The following PLEKHA6 variants were observed in gnomAD, a reference collection of about 807,000 sequenced individuals.
The protein encoded by PLEKHA6 is pleckstrin homology domain-containing family A member 6.
Under a neutral mutation model 116.7 loss-of-function variants are expected in PLEKHA6, and 60 were observed. The observed-to-expected ratio is 0.51, with a 90% CI of 0.42 to 0.64. PLEKHA6 has a LOEUF of 0.64. Ranked by LOEUF, PLEKHA6 falls within the 30% of genes least tolerant of loss-of-function variation. PLEKHA6 has a pLI of 0.00. For synonymous variants in PLEKHA6, 489 were observed against 556.1 expected, an observed-to-expected ratio of 0.88 and a Z score of 1.70; for missense variants, 1,338 against 1,422.7, an observed-to-expected ratio of 0.94 and a Z score of 0.96.
rs551384106 is a variant in PLEKHA6 at position 204,261,915 on chromosome 1, G to A, written c.382-467C>T. The A allele has an allele frequency of 1.5e-5, 3 of 196,428 alleles. No homozygotes were observed. The South Asian group carries it at 5.3e-4, about 35-fold the overall frequency. 12.2% of individuals were successfully genotyped at this position (196,428 alleles called of 1,614,324 possible). ...TGGAGAGACAGCCAAGCCCCTCTCTGCAGGCATGCAAAGCAGGCACTGGCA... is the reference window on the plus strand; with the variant it reads ...TGGAGAGACAGCCAAGCCCCTCTCTACAGGCATGCAAAGCAGGCACTGGCA... On this transcript the variant is annotated intron_variant, in intron 6 of 22. Coordinates refer to ENST00000272203, the MANE Select transcript of PLEKHA6 (RefSeq NM_014935.5). This position sits in a 1 kb window ranked among gnomAD's most constrained non-coding sequence, Gnocchi z 4.0.
At chr1:204,267,597 C>A in intron 4 of PLEKHA6, 50 bp from the exon 5 acceptor site, 1 of 1,494,766 alleles carries the variant, frequency 6.7e-7, no homozygotes. Context: ...TGGACGTGGA[C>A]GAGGAGATGG....
intron 1 of PLEKHA6, among the ~76,000 whole-genome samples, chr1:204,319,855 C>A (rs116421585): frequency 6.6e-5 from 10 of 151,554 alleles, no homozygotes; most frequent in South Asian, 2.1e-4. Context: ...AGGGACAGGG[C>A]GGGCAGGGAT....
chr1:204,308,428 A>T (rs1024745585), intron 1 of PLEKHA6, among the ~76,000 whole-genome samples: 1 of 152,178 alleles, frequency 6.6e-6, no homozygotes, highest in African/African-American at 2.4e-5. Context: ...TCAATCAATC[A>T]ATCAATGTCA....
intron 1 of PLEKHA6, among the ~76,000 whole-genome samples, chr1:204,319,959 G>T (rs192709730): frequency 1.3e-5 from 2 of 152,100 alleles, no homozygotes; most frequent in African/African-American, 2.4e-5. Flanking sequence ...CACCCTCTGC[G>T]GGTCTAATTC....
chr1:204,348,575 C>G (rs1396382338), intron 1 of PLEKHA6, among the ~76,000 whole-genome samples: 1 of 152,100 alleles, frequency 6.6e-6, no homozygotes, highest in African/African-American at 2.4e-5. Context: ...TTCCTTCATT[C>G]GCTCCTGCTT....
At chr1:204,314,438 TG>T (rs1671775803) in intron 1 of PLEKHA6, among the ~76,000 whole-genome samples, 1 of 152,152 alleles carries the variant, frequency 6.6e-6, no homozygotes, top group Admixed American at 6.5e-5. Flanking sequence ...CAGACGACAA[TG>T]GAGTGACTGG....
intron 1 of PLEKHA6, among the ~76,000 whole-genome samples, chr1:204,351,549 G>GGTGCAGAT (rs1322186293): frequency 6.6e-6 from 1 of 152,206 alleles, no homozygotes; most frequent in Non-Finnish European, 1.5e-5. Context: ...TGTGAAATAT[G>GGTGCAGAT]GTGGTAAAAA....
In PLEKHA6 at chr1:204,292,290, G is replaced by A. The variant is rs114882517; in HGVS notation, c.-94-17481C>T. ...GGTCTTATGAGGTGGGCAGAAAAGT[G>A]TTAGTACCACCCTCATTTTACAAAA... is the stretch of plus-strand genomic sequence containing the variant. On this transcript the variant is annotated intron_variant, in intron 1 of 22. Transcript: ENST00000272203. Among the ~76,000 whole-genome samples the A allele has an allele frequency of 6.9e-3, 1,058 of 152,304 alleles. 10 individuals are homozygous for A. Among genetic ancestry groups the A allele is most frequent in the African/African-American group, 0.024 (1,017 of 41,554 alleles).
chr1:204,247,325 T>G (rs751560412), intron 13 of PLEKHA6, 40 bp downstream of exon 13: 1 of 1,274,840 alleles, frequency 7.8e-7, no homozygotes, highest in South Asian at 1.2e-5. Context: ...TCATCTTTAG[T>G]CACATCCCAA....
intron 1 of PLEKHA6, among the ~76,000 whole-genome samples, chr1:204,287,479 AG>A (rs1669316384): frequency 6.6e-6 from 1 of 152,126 alleles, no homozygotes; most frequent in African/African-American, 2.4e-5. Context: ...TAAATGCAAA[AG>A]GTTGGTTCTC....
At chr1:204,326,874 G>T in intron 1 of PLEKHA6, 2 of 517,140 alleles carry the variant, frequency 3.9e-6, no homozygotes, top group Non-Finnish European at 2.5e-6. Flanking sequence ...CCTTAGACTA[G>T]CTCCCTCCTT....
At position 204,253,976 on chromosome 1, in the gene PLEKHA6, G is replaced by A. The variant is rs60604726; in HGVS notation, c.1525-3362C>T. ...AGCCCCTCTGTGAGGGCAAAAGCCC[G>A]CAGGAAGGGACCCTGCTGTCTGCAC... On this transcript the variant is annotated intron_variant, in intron 9 of 22. Coordinates refer to ENST00000272203, the MANE Select transcript of PLEKHA6 (RefSeq NM_014935.5). Among the ~76,000 whole-genome samples, 774 of 152,308 alleles carry A rather than the reference G, an allele frequency of 5.1e-3. 2 individuals are homozygous for A. Among genetic ancestry groups the A allele is most frequent in the Middle Eastern group, 0.017 (5 of 294 alleles).
At chr1:204,269,643 A>G (rs916255512) in intron 3 of PLEKHA6, among the ~76,000 whole-genome samples, 6 of 151,014 alleles carry the variant, frequency 4.0e-5, no homozygotes, top group African/African-American at 1.5e-4. Flanking sequence ...TTAGACATGC[A>G]CTCCCTCAAT....
chr1:204,245,570 C>G lies in PLEKHA6; in HGVS notation c.2032+45G>C. 1.7e-6 allele frequency: 2 copies of G among 1,172,680 alleles called. 1 individual carries two copies. Among genetic ancestry groups the G allele is most frequent in the South Asian group, 2.5e-5 (2 of 80,448 alleles). The allele number at this position is 1,172,680 out of a possible 1,614,324, so 72.6% of individuals were successfully genotyped here. On this transcript the variant is annotated intron_variant, in intron 14 of 22. Coordinates refer to ENST00000272203, the MANE Select transcript of PLEKHA6 (RefSeq NM_014935.5). ...GGAGGTCAGAAATACTGGAGCACTC[C>G]TGGTGAGGCAGGCAGCCTAGGAGGC... is the stretch of plus-strand genomic sequence containing the variant.
chr1:204,319,839 G>C (rs1671991839), intron 1 of PLEKHA6, among the ~76,000 whole-genome samples: 1 of 152,160 alleles, frequency 6.6e-6, no homozygotes, highest in Non-Finnish European at 1.5e-5. Flanking sequence ...AAGAGAGAAG[G>C]GAGAAAGGGA....
chr1:204,366,395 G>A (rs924749105), intron 3 of PLEKHA6, among the ~76,000 whole-genome samples: 15 of 151,932 alleles, frequency 9.9e-5, no homozygotes, highest in African/African-American at 3.6e-4. Flanking sequence ...AGGAGGAGGA[G>A]AAGGAGGAGG....
chr1:204,223,499 C>A lies in PLEKHA6; in HGVS notation c.3118G>T (p.Ala1040Ser). ...NPLSSESPRGADSSYTMRV is the reference protein window; with the variant it reads ...NPLSSESPRGSDSSYTMRV ...ACCCGCATGGTATAGCTGCTGTCGG[C>A]GCCCCGTGGGGATTCAGACGACAGG... is the stretch of plus-strand genomic sequence containing the variant. The change falls in exon 22 of 23, where the codon GCC becomes TCC. Residue 1040 changes from alanine (A) to serine (S), a missense_variant. By Grantham distance (99) the Ala-to-Ser change is moderately conservative. Coordinates refer to ENST00000272203, the MANE Select transcript of PLEKHA6 (RefSeq NM_014935.5). This position sits in a 1 kb window ranked among gnomAD's most constrained non-coding sequence, Gnocchi z 4.8. The A allele has an allele frequency of 6.5e-7, 1 of 1,549,262 alleles. No individual in the cohort carries two copies. The highest frequency in any genetic ancestry group is 1.2e-5 in the South Asian group (1 of 83,978).
rs1002879223 is a variant in PLEKHA6, at chr1:204,250,612, G to C, written c.1527C>G (p.Val509=). 5.6e-6 allele frequency: 9 copies of C among 1,610,832 alleles called. No homozygotes were observed. The African/African-American group carries it at 1.2e-4, about 22-fold the overall frequency. ...VMRRSISSPK[V]PPYPEVFRDS... ...CCCGGAACACTTCTGGGTATGGAGG[G>C]ACCTGCAGGAACATGAGGCCGGTTA... The change falls in exon 10 of 23, where the codon GTC becomes GTG. Residue 509 remains valine, a splice_region_variant and synonymous_variant. Transcript: ENST00000272203.
At chr1:204,343,404 A>G (rs2103324317) in intron 1 of PLEKHA6, among the ~76,000 whole-genome samples, 1 of 152,292 alleles carries the variant, frequency 6.6e-6, no homozygotes, top group East Asian at 1.9e-4. Flanking sequence ...CATCACTCAC[A>G]TTTTACAGAT....
Sources: allele counts gnomAD v4.1 joint callset (sites outside exome capture counted in the v4.1 genomes callset), GRCh38; gene constraint gnomAD v4.1.1; non-coding constraint Gnocchi (gnomAD v3.1); transcripts MANE v1.5; gene names NCBI Gene and HGNC (gene_info 2026-07-23, HGNC 2026-07-21).